The following ARHGAP26 variants were observed in gnomAD, a reference collection of about 807,000 sequenced individuals.
ARHGAP26 encodes rho GTPase-activating protein 26.
In ARHGAP26, 38 loss-of-function variants were observed where a neutral mutation model predicts 104.8. The observed-to-expected ratio is 0.36, with a 90% CI of 0.28 to 0.48. The LOEUF (loss-of-function observed/expected upper bound fraction) is 0.48. ARHGAP26 is among the 20% of genes least tolerant of loss of function. ARHGAP26 has a pLI of 0.99. For missense variants in ARHGAP26, 704 were observed against 947.9 expected (o/e 0.74, Z 3.38); for synonymous variants, 341 against 340.0 (o/e 1.00, Z -0.03).
chr5:142,871,093 A>G lies in ARHGAP26; in HGVS notation c.155-2307A>G, dbSNP rs73286468. Among the ~76,000 whole-genome samples the G allele has an allele frequency of 0.026, 3,894 of 152,216 alleles. 174 individuals are homozygous for G. The highest frequency in any genetic ancestry group is 0.089 in the African/African-American group (3,688 of 41,516). ...TGAAGCCCAATACTGACTCCATACC[A>G]GCAGTCATTACCTAATCGTCTATCG... On this transcript the variant is annotated intron_variant, in intron 1 of 22. Transcript: ENST00000645722. This position sits in a 1 kb window ranked among gnomAD's most constrained non-coding sequence, Gnocchi z 4.1.
At chr5:142,822,550 C>T (rs1766402613) in intron 1 of ARHGAP26, among the ~76,000 whole-genome samples, 2 of 152,018 alleles carry the variant, frequency 1.3e-5, no homozygotes, top group Admixed American at 6.6e-5. Context: ...AATACACACA[C>T]ATGGTGTTTG....
At chr5:142,892,966 T>TCCCACCCCAC (rs1316371013) in intron 5 of ARHGAP26, among the ~76,000 whole-genome samples, 1 of 97,662 alleles carries the variant, frequency 1.0e-5, no homozygotes, top group Admixed American at 1.2e-4. Context: ...TCTTCATCCT[T>TCCCACCCCAC]CCCACCCCAC....
intron 18 of ARHGAP26, 110 bp downstream of exon 18, chr5:143,121,257 T>TCATGA (rs1408200587): frequency 2.7e-6 from 3 of 1,131,620 alleles, no homozygotes; most frequent in Non-Finnish European, 3.7e-6. Flanking sequence ...TCTTACACTG[T>TCATGA]CATGACGATG....
chr5:142,917,907 C>T (rs1377402885), intron 10 of ARHGAP26, among the ~76,000 whole-genome samples: 1 of 151,772 alleles, frequency 6.6e-6, no homozygotes, highest in Non-Finnish European at 1.5e-5. Context: ...AGGAGATATC[C>T]TAGCAGTAGT....
At chr5:143,085,416 A>G (rs779341042) in intron 17 of ARHGAP26, among the ~76,000 whole-genome samples, 2 of 152,144 alleles carry the variant, frequency 1.3e-5, no homozygotes, top group Non-Finnish European at 2.9e-5. Flanking sequence ...GAGAAAAAAG[A>G]GGGGGACAAG....
intron 11 of ARHGAP26, among the ~76,000 whole-genome samples, chr5:142,977,097 G>A (rs1300352587): frequency 2.0e-5 from 3 of 152,200 alleles, no homozygotes; most frequent in Admixed American, 6.5e-5. Flanking sequence ...CACACAGACA[G>A]AGCTGAGGGA....
chr5:143,138,689 T>C (rs1237705392), intron 19 of ARHGAP26, among the ~76,000 whole-genome samples: 1 of 152,182 alleles, frequency 6.6e-6, no homozygotes, highest in Non-Finnish European at 1.5e-5. Flanking sequence ...GGAAGACGTT[T>C]TCCCTAGAAA....
intron 17 of ARHGAP26, among the ~76,000 whole-genome samples, chr5:143,072,499 A>G (rs1029880222): frequency 6.6e-5 from 10 of 152,238 alleles, no homozygotes; most frequent in African/African-American, 2.4e-4. Flanking sequence ...TATGGTACCA[A>G]CCTATGTGTC....
chr5:142,870,270 G>C (rs1598009804), intron 1 of ARHGAP26, among the ~76,000 whole-genome samples: 3 of 152,170 alleles, frequency 2.0e-5, no homozygotes, highest in African/African-American at 7.2e-5. Flanking sequence ...GAAAGCTCTT[G>C]AAATAAATCT....
At chr5:142,935,991 T>TC (rs1765352808) in intron 11 of ARHGAP26, among the ~76,000 whole-genome samples, 1 of 151,988 alleles carries the variant, frequency 6.6e-6, no homozygotes, top group South Asian at 2.1e-4. Context: ...GGACTGGAAG[T>TC]CCTAGTCAGT....
chr5:143,097,561 C>G (rs541432043), intron 17 of ARHGAP26, among the ~76,000 whole-genome samples: 1 of 151,970 alleles, frequency 6.6e-6, no homozygotes, highest in East Asian at 1.9e-4. Context: ...TGGCTCACGC[C>G]TGTAATCCCA....
intron 17 of ARHGAP26, among the ~76,000 whole-genome samples, chr5:143,084,616 A>G (rs928499860): frequency 1.3e-5 from 2 of 152,216 alleles, no homozygotes; most frequent in African/African-American, 4.8e-5. Flanking sequence ...ACATCTTGTG[A>G]TCTGGACACT....
chr5:143,045,926 A>C (rs1194290386), intron 14 of ARHGAP26, among the ~76,000 whole-genome samples: 4 of 152,308 alleles, frequency 2.6e-5, no homozygotes, highest in South Asian at 2.1e-4. Flanking sequence ...TGAAGTCAGG[A>C]GTTCGAGACC....
At chr5:142,971,074 C>T (rs1052629273) in intron 11 of ARHGAP26, among the ~76,000 whole-genome samples, 5 of 152,058 alleles carry the variant, frequency 3.3e-5, no homozygotes, top group Admixed American at 3.3e-4. Context: ...AATTTGAAGA[C>T]TGAGATACAA....
At chr5:142,963,150 T>G (rs547309630) in intron 11 of ARHGAP26, among the ~76,000 whole-genome samples, 1 of 135,062 alleles carries the variant, frequency 7.4e-6, no homozygotes. Context: ...TTTATGGCTG[T>G]GTAGTATTCC....
At chr5:142,879,222 A>G (rs1241802836) in intron 3 of ARHGAP26, 152 bp from the exon 4 acceptor site, 1 of 718,284 alleles carries the variant, frequency 1.4e-6, no homozygotes, top group African/African-American at 1.7e-5. Context: ...ACATGCTATT[A>G]GTTCGAAGGT....
At chr5:142,813,548 C>T (rs1764534429) in intron 1 of ARHGAP26, among the ~76,000 whole-genome samples, 1 of 152,194 alleles carries the variant, frequency 6.6e-6, no homozygotes, top group South Asian at 2.1e-4. Flanking sequence ...AATAACAAAA[C>T]TTGGTGTTCT....
At chr5:142,906,905 G>A (rs1020920249) in intron 8 of ARHGAP26, among the ~76,000 whole-genome samples, 2 of 151,868 alleles carry the variant, frequency 1.3e-5, no homozygotes, top group Non-Finnish European at 2.9e-5. Flanking sequence ...TCTGCTGTGT[G>A]ATCTCCATAA....
intron 17 of ARHGAP26, among the ~76,000 whole-genome samples, chr5:143,108,434 T>G (rs1794331635): frequency 6.6e-6 from 1 of 152,212 alleles, no homozygotes; most frequent in Admixed American, 6.5e-5. Flanking sequence ...ACACCATACA[T>G]TACTGTTTTT....
Sources: gnomAD v4.1 joint callset for allele counts (sites outside exome capture counted in the v4.1 genomes callset) on GRCh38, gnomAD v4.1.1 for gene constraint, Gnocchi (gnomAD v3.1) non-coding constraint, MANE v1.5 for transcripts, NCBI Gene and HGNC (gene_info 2026-07-23, HGNC 2026-07-21) for gene names.